Variants in VPS13A observed in about 807,000 individuals in gnomAD.
VPS13A encodes the protein intermembrane lipid transfer protein VPS13A.
A neutral mutation model predicts 390.9 loss-of-function variants in VPS13A; 264 were observed. That is an observed-to-expected ratio of 0.68 (90% CI 0.61 to 0.75). The LOEUF (loss-of-function observed/expected upper bound fraction) is 0.75, where lower values mean the gene tolerates loss of function less well. Ranked by LOEUF, VPS13A falls within the 30% of genes least tolerant of loss-of-function variation. The pLI is 0.00. For missense variants in VPS13A, 3,409 were observed against 3,733.9 expected (o/e 0.91, Z 2.27); for synonymous variants, 1,231 against 1,227.1 (o/e 1.00, Z -0.07).
At chr9:77,218,205 A>G (rs958988359) in intron 10 of VPS13A, among the ~76,000 whole-genome samples, 12 of 142,668 alleles carry the variant, frequency 8.4e-5, no homozygotes, top group African/African-American at 3.2e-4. Flanking sequence ...GCTCCACCTC[A>G]CGGGTTCATG....
At position 77,238,316 on chromosome 9, in the gene VPS13A, G is replaced by C. The variant is rs113804310; in HGVS notation, c.1830G>C (p.Glu610Asp). 6 of 1,613,928 alleles carry C rather than the reference G, an allele frequency of 3.7e-6. No individual in the cohort carries two copies. Among genetic ancestry groups the C allele is most frequent in the Non-Finnish European group, 5.1e-6 (6 of 1,179,952 alleles). Reference sequence around the variant, plus strand: ...TGGAATTCTTCAGACCTCCAAAAGAGGTACATCTAGCACAGCTCACTGCAG... The same window carrying C: ...TGGAATTCTTCAGACCTCCAAAAGACGTACATCTAGCACAGCTCACTGCAG... The part of the protein sequence containing the change: ...SIVEFFRPPK[E>D]VHLAQLTAAT... Residue 610 changes from glutamate to aspartate, a missense_variant, in exon 19 of 72, where the codon GAG (glutamate) becomes GAC (aspartate). This residue lies in a region of VPS13A where 2,717 missense variants were observed against 2,917.4 expected (regional missense o/e 0.93). Transcript: ENST00000360280.
At chr9:77,337,659 G>C (rs1165175350) in intron 47 of VPS13A, 122 bp downstream of exon 47, 1 of 941,580 alleles carries the variant, frequency 1.1e-6, no homozygotes, top group East Asian at 2.7e-5. Flanking sequence ...GTAAAGAATA[G>C]GTAATGCAGA....
Position 77,314,096 on chromosome 9 carries a change from C to T in VPS13A, c.4219C>T (p.Leu1407=), listed in dbSNP as rs1370445837. 1 of 1,613,250 alleles carries T rather than the reference C, an allele frequency of 6.2e-7. No individual in the cohort carries two copies. Among genetic ancestry groups the T allele is most frequent in the South Asian group, 1.1e-5 (1 of 91,008 alleles). ...SFKTDDLTMV[L]YSPGPKQASF... ...CAAAACTGATGATCTCACCATGGTG[C>T]TGTATAGTCCAGGTCCTAAACAGGT... The change falls in exon 36 of 72, where the codon CTG becomes TTG. Residue 1407 remains leucine (L), a synonymous_variant. Coordinates refer to ENST00000360280, the MANE Select transcript of VPS13A (RefSeq NM_033305.3).
intron 7 of VPS13A, 21 bp downstream of exon 7, chr9:77,210,696 T>A: frequency 6.2e-7 from 1 of 1,609,722 alleles, no homozygotes. Context: ...TATAAAAGAA[T>A]CTTAACCATA....
chr9:77,241,635 C>T (rs2131243615), intron 19 of VPS13A, among the ~76,000 whole-genome samples: 1 of 152,136 alleles, frequency 6.6e-6, no homozygotes, highest in East Asian at 1.9e-4. Flanking sequence ...GTAATCTGCT[C>T]ATTTTCCTTA....
intron 23 of VPS13A, among the ~76,000 whole-genome samples, chr9:77,265,026 AG>A (rs2131305070): frequency 6.6e-6 from 1 of 152,324 alleles, no homozygotes; most frequent in East Asian, 1.9e-4. Flanking sequence ...ATTTTATCGA[AG>A]GCCTTTTCCG....
intron 45 of VPS13A, among the ~76,000 whole-genome samples, chr9:77,324,654 G>A (rs912684854): frequency 1.3e-5 from 2 of 152,034 alleles, no homozygotes; most frequent in African/African-American, 4.8e-5. Context: ...TATTCATGAG[G>A]GATATTGGTC....
intron 5 of VPS13A, 149 bp from the exon 6 acceptor site, chr9:77,209,274 A>G: frequency 1.6e-6 from 1 of 619,968 alleles, no homozygotes; most frequent in Non-Finnish European, 2.8e-6. Context: ...CTTGCTTTTG[A>G]AAGACTTTTG....
Position 77,359,392 on chromosome 9 carries a change from T to A in VPS13A, c.8095T>A (p.Ser2699Thr). The change falls in exon 58 of 72, where the codon TCA becomes ACA. Residue 2699 changes from serine to threonine, a missense_variant. This residue lies in a region of VPS13A where 221 missense variants were observed against 300.7 expected (regional missense o/e 0.73). Transcript: ENST00000360280. ...VMRSAGHSQI[S>T]RIKYFKVLIQ... The stretch of plus-strand genomic sequence containing the variant: ...GAGATCTGCAGGACATTCCCAGATA[T>A]CACGTATTAAGTAAGTGTCTTAATA... 6.2e-7 allele frequency: 1 copy of A among 1,612,386 alleles called. No homozygotes were observed. The highest frequency in any genetic ancestry group is 1.1e-5 in the South Asian group (1 of 90,960).
At chr9:77,230,926 A>G (rs1823795625) in intron 17 of VPS13A, among the ~76,000 whole-genome samples, 2 of 152,112 alleles carry the variant, frequency 1.3e-5, no homozygotes, top group African/African-American at 2.4e-5. Flanking sequence ...AATTTGAACA[A>G]CGTTTTACAG....
chr9:77,382,049 T>A lies in VPS13A; in HGVS notation c.9151T>A (p.Tyr3051Asn). 6.2e-7 allele frequency: 1 copy of A among 1,608,880 alleles called. No individual in the cohort carries two copies. Among genetic ancestry groups the A allele is most frequent in the Non-Finnish European group, 8.5e-7 (1 of 1,177,220 alleles). The change falls in exon 68 of 72, where the codon TAC (tyrosine) becomes AAC (asparagine). Residue 3051 changes from tyrosine (Y) to asparagine (N), a missense_variant. Physicochemically the swap from Tyr to Asn is moderately radical, Grantham distance 143. Transcript: ENST00000360280. ...CAATGAAGATGGAGTTATCAGACCG[T>A]ACAGGTTGAGGGATGGGACTGGAAA... ...FFNEDGVIRPYRLRDGTGNQM... is the reference protein window; with the variant it reads ...FFNEDGVIRPNRLRDGTGNQM...
chr9:77,351,063 GA>G, intron 52 of VPS13A: 1 of 368,908 alleles, frequency 2.7e-6, no homozygotes, highest in African/African-American at 2.1e-5. Context: ...TTAAAAAATT[GA>G]CAAAACAGTT....
intron 39 of VPS13A, among the ~76,000 whole-genome samples, chr9:77,316,989 C>G (rs1257501886): frequency 6.6e-6 from 1 of 151,964 alleles, no homozygotes; most frequent in East Asian, 1.9e-4. Flanking sequence ...CGAATACTTA[C>G]AAAAATATTT....
At chr9:77,308,773 T>A (rs2131411449) in intron 35 of VPS13A, among the ~76,000 whole-genome samples, 1 of 152,284 alleles carries the variant, frequency 6.6e-6, no homozygotes, top group East Asian at 1.9e-4. Flanking sequence ...TAGGGGATCC[T>A]CAGACCTACC....
At chr9:77,314,171 G>GTTGA (rs2131426473) in intron 36 of VPS13A, 52 bp downstream of exon 36, 5 of 1,598,256 alleles carry the variant, frequency 3.1e-6, no homozygotes, top group Non-Finnish European at 4.3e-6. Flanking sequence ...ATTTGCATAG[G>GTTGA]TTGATGTTTT....
Position 77,344,175 on chromosome 9 carries a change from A to G in VPS13A, c.7049A>G (p.Tyr2350Cys). ...TAGTGTATCCCCTTTTGGCCTGAGT[A>G]TGCTTCTAGTAAACTTCTTATTCAA... ...LEQCIPFWPE[Y>C]ASSKLLIQVE... The change falls in exon 51 of 72, where the codon TAT becomes TGT. Residue 2350 changes from tyrosine (Y) to cysteine (C), a missense_variant. Around this residue, in one of 5 missense-constraint regions of VPS13A, gnomAD observed 2,717 missense variants for 2,917.4 expected, o/e 0.93. Coordinates refer to ENST00000360280, the MANE Select transcript of VPS13A (RefSeq NM_033305.3). The G allele has an allele frequency of 6.2e-7, 1 of 1,608,024 alleles. No homozygotes were observed.
rs7035855 is a variant in VPS13A, at chr9:77,345,225, G to A, written c.7289+83G>A. The A allele has an allele frequency of 0.12, 171,657 of 1,421,816 alleles. 11,123 individuals are homozygous for A. Among genetic ancestry groups the A allele is most frequent in the African/African-American group, 0.23 (16,091 of 70,916 alleles). The allele number at this position is 1,421,816 out of a possible 1,614,324, so 88.1% of individuals were successfully genotyped here. A position where few individuals can be genotyped will look rare whatever the true frequency, so the allele number is the denominator to read the frequency against. On this transcript the variant is annotated intron_variant, in intron 52 of 71. Coordinates refer to ENST00000360280, the MANE Select transcript of VPS13A (RefSeq NM_033305.3). Reference sequence around the variant, plus strand: ...AGTTTTTTTTGATAATTTCTTAAGAGTATAAACACTGATAATAGCATTGTA... The same window carrying A: ...AGTTTTTTTTGATAATTTCTTAAGAATATAAACACTGATAATAGCATTGTA...
Position 77,238,365 on chromosome 9 carries a change from T to C in VPS13A, c.1879T>C (p.Phe627Leu). The part of the protein sequence containing the change: ...TAATLTKLEE[F>L]RSKTATGLLY... ...AGCAACTTTGACAAAACTGGAAGAA[T>C]TTCGCAGTAAGACAGCAACAGGTAA... is the stretch of plus-strand genomic sequence containing the variant. Residue 627 changes from phenylalanine (F) to leucine (L), a missense_variant, in exon 19 of 72, where the codon TTT becomes CTT. Transcript: ENST00000360280. 1 of 1,613,908 alleles carries C rather than the reference T, an allele frequency of 6.2e-7. No individual in the cohort carries two copies. The highest frequency in any genetic ancestry group is 2.2e-5 in the East Asian group (1 of 44,838).
chr9:77,239,066 G>A (rs973427738), intron 19 of VPS13A, among the ~76,000 whole-genome samples: 3 of 151,352 alleles, frequency 2.0e-5, no homozygotes, highest in Non-Finnish European at 4.4e-5. Context: ...ATCCTTACTG[G>A]ATTTTTTTTT....
Sources: gnomAD v4.1 joint callset for allele counts (sites outside exome capture counted in the v4.1 genomes callset) on GRCh38, gnomAD v4.1.1 for gene constraint, gnomAD v4.1.1 regional missense constraint, MANE v1.5 for transcripts, NCBI Gene and HGNC (gene_info 2026-07-23, HGNC 2026-07-21) for gene names.